The following ABI3BP variants were observed in gnomAD, a reference collection of about 807,000 sequenced individuals.
The protein encoded by ABI3BP is target of Nesh-SH3.
Under a neutral mutation model 268.6 loss-of-function variants are expected in ABI3BP, and 216 were observed. The ratio of observed to expected loss-of-function variants is 0.80; its 90% CI spans 0.72 to 0.90. ABI3BP has a LOEUF of 0.90. Among genes scored for constraint, ABI3BP ranks in the 40% least tolerant of loss-of-function variants. ABI3BP has a pLI of 0.00. For missense variants in ABI3BP, 2,090 were observed against 2,182.4 expected (o/e 0.96, Z 0.84); for synonymous variants, 730 against 730.0 (o/e 1.00, Z 0.00).
rs766661130 is a variant in ABI3BP at position 100,832,281 on chromosome 3, A to C, written c.2384T>G (p.Val795Gly). The C allele has an allele frequency of 2.1e-5, 33 of 1,535,528 alleles. No homozygotes were observed. Among genetic ancestry groups the C allele is most frequent in the Non-Finnish European group, 2.9e-5 (33 of 1,146,500 alleles). The change falls in exon 31 of 68, where the codon GTA (valine) becomes GGA (glycine). Residue 795 changes from valine to glycine, a missense_variant. Transcript: ENST00000471714. ...ATATTTACCCAGTTTAGTTTGAGGT[A>C]CTTCTGGATGGGGCGTGGTTTTAGG... ...PKPKTTPHPE[V>G]PQTKLVPATI...
chr3:100,865,134 C>A (rs958105668), intron 10 of ABI3BP, among the ~76,000 whole-genome samples: 1 of 152,158 alleles, frequency 6.6e-6, no homozygotes, highest in East Asian at 1.9e-4. Context: ...AGCACTCTGA[C>A]CTGACTTTCA....
chr3:100,937,556 G>T (rs1054028631), intron 1 of ABI3BP, among the ~76,000 whole-genome samples: 2 of 151,984 alleles, frequency 1.3e-5, no homozygotes, highest in African/African-American at 2.4e-5. Context: ...TGTAGAACGG[G>T]CTATGACTTT....
chr3:100,923,247 T>G (rs1348748884), intron 2 of ABI3BP, among the ~76,000 whole-genome samples: 4 of 152,212 alleles, frequency 2.6e-5, no homozygotes, highest in Non-Finnish European at 4.4e-5. Context: ...GCTACTTTCC[T>G]GATGACAGGA....
chr3:100,860,674 G>A (rs182962608), intron 14 of ABI3BP, among the ~76,000 whole-genome samples: 2 of 152,184 alleles, frequency 1.3e-5, no homozygotes, highest in Admixed American at 6.5e-5. Context: ...TTAAAGTCTC[G>A]AAAATGGTTT....
chr3:100,851,863 G>A lies in ABI3BP; in HGVS notation c.1351+12C>T. On this transcript the variant is annotated intron_variant, in intron 15 of 67. Coordinates refer to ENST00000471714, the MANE Select transcript of ABI3BP (RefSeq NM_001375547.2). Reference sequence around the variant, plus strand: ...CTGGGATCCAAAGACAGAATTGAGAGGCCAGATATACCTGTGTAGGAATCT... The same window carrying A: ...CTGGGATCCAAAGACAGAATTGAGAAGCCAGATATACCTGTGTAGGAATCT... 1 of 1,578,492 alleles carries A rather than the reference G, an allele frequency of 6.3e-7. No homozygotes were observed. Among genetic ancestry groups the A allele is most frequent in the Non-Finnish European group, 8.6e-7 (1 of 1,164,152 alleles).
At chr3:100,755,412 C>T (rs1324258665) in intron 63 of ABI3BP, among the ~76,000 whole-genome samples, 1 of 152,168 alleles carries the variant, frequency 6.6e-6, no homozygotes, top group African/African-American at 2.4e-5. Flanking sequence ...CTTGGGTCTT[C>T]TGTGGATCAC....
chr3:100,953,931 A>C (rs2075980840), intron 1 of ABI3BP, among the ~76,000 whole-genome samples: 1 of 152,220 alleles, frequency 6.6e-6, no homozygotes, highest in South Asian at 2.1e-4. Context: ...GGAAACTCGG[A>C]GTTGGGAGAA....
rs201367317 is a variant in ABI3BP, at chr3:100,919,161, C to CT, written c.259+7140dup. On this transcript the variant is annotated intron_variant, in intron 2 of 67. Transcript: ENST00000471714. ...TTCCTTCTATTGGTTTATCCTGTTT[C>CT]TTTTTTTCATAAGTTATTTTTTTCA... is the stretch of plus-strand genomic sequence containing the variant. Among the ~76,000 whole-genome samples, 1,365 of 152,176 alleles carry CT rather than the reference C, an allele frequency of 9.0e-3. 17 individuals carry two copies. Among genetic ancestry groups the CT allele is most frequent in the African/African-American group, 0.031 (1,268 of 41,544 alleles).
At chr3:100,779,980 GT>G (rs1239954616) in intron 58 of ABI3BP, among the ~76,000 whole-genome samples, 151 bp downstream of exon 58, 3 of 152,000 alleles carry the variant, frequency 2.0e-5, no homozygotes, top group Non-Finnish European at 4.4e-5. Context: ...TATTCCAAAT[GT>G]TTTCCTAGCA....
chr3:100,832,477 T>C (rs1479273197), intron 30 of ABI3BP, 127 bp from the exon 31 acceptor site: 1 of 884,752 alleles, frequency 1.1e-6, no homozygotes, highest in Non-Finnish European at 1.7e-6. Context: ...CATTTTCGTT[T>C]GAAATTTTCT....
chr3:100,811,891 C>T, intron 46 of ABI3BP, 92 bp from the exon 47 acceptor site: 1 of 909,112 alleles, frequency 1.1e-6, no homozygotes, highest in Non-Finnish European at 1.7e-6. Context: ...TAGAATTGAG[C>T]TATCTTAAGC....
At chr3:100,890,934 G>A (rs2044332073) in intron 4 of ABI3BP, among the ~76,000 whole-genome samples, 1 of 149,456 alleles carries the variant, frequency 6.7e-6, no homozygotes, top group African/African-American at 2.5e-5. Flanking sequence ...GTGAGCCCCA[G>A]TTTAGGTCAT....
At chr3:100,781,214 G>T (rs895220860) in intron 57 of ABI3BP, among the ~76,000 whole-genome samples, 2 of 152,026 alleles carry the variant, frequency 1.3e-5, no homozygotes, top group African/African-American at 4.8e-5. Context: ...AAACTGTTTG[G>T]GGACATTATA....
intron 44 of ABI3BP, among the ~76,000 whole-genome samples, chr3:100,814,914 G>A (rs1037400792): frequency 2.6e-5 from 4 of 152,106 alleles, no homozygotes; most frequent in African/African-American, 9.7e-5. Flanking sequence ...AATGAGCCCT[G>A]TAATTGTCAA....
At chr3:100,825,751 T>G in intron 35 of ABI3BP, 34 bp downstream of exon 35, 3 of 1,501,014 alleles carry the variant, frequency 2.0e-6, no homozygotes, top group Non-Finnish European at 2.7e-6. Context: ...GCAAAAGCAC[T>G]TGGCAAACAG....
At chr3:100,953,649 C>CAG (rs1354023448) in intron 1 of ABI3BP, among the ~76,000 whole-genome samples, 1 of 151,976 alleles carries the variant, frequency 6.6e-6, no homozygotes, top group Non-Finnish European at 1.5e-5. Context: ...GATTACCAGA[C>CAG]AGAGAGACGA....
chr3:100,961,237 G>A (rs755996943), intron 1 of ABI3BP, among the ~76,000 whole-genome samples: 4 of 152,162 alleles, frequency 2.6e-5, no homozygotes, highest in African/African-American at 7.2e-5. Context: ...TCACTATCAC[G>A]CTTGAATTTC....
intron 61 of ABI3BP, among the ~76,000 whole-genome samples, chr3:100,772,677 A>G (rs1483579828): frequency 3.3e-5 from 5 of 152,226 alleles, no homozygotes; most frequent in African/African-American, 1.2e-4. Flanking sequence ...ACAAAGAGGA[A>G]AAAAGGGAAC....
chr3:100,938,198 T>A (rs1428650722), intron 1 of ABI3BP, among the ~76,000 whole-genome samples: 1 of 151,898 alleles, frequency 6.6e-6, no homozygotes. Context: ...CATTGGGTAC[T>A]AGGCTTAGTA....
Sources: gnomAD v4.1 joint callset for allele counts (sites outside exome capture counted in the v4.1 genomes callset) on GRCh38, gnomAD v4.1.1 for gene constraint, MANE v1.5 for transcripts, NCBI Gene and HGNC (gene_info 2026-07-23, HGNC 2026-07-21) for gene names.